FHIT: variants seen among roughly 807,000 people sequenced by gnomAD.
FHIT encodes fragile histidine triad diadenosine triphosphatase, also known as bis(5'-adenosyl)-triphosphatase.
In FHIT, 19 loss-of-function variants were observed where a neutral mutation model predicts 17.9. The ratio of observed to expected loss-of-function variants is 1.06; its 90% CI spans 0.74 to 1.56. FHIT has a LOEUF of 1.56. Among genes scored for constraint, FHIT ranks in the 40% most tolerant of loss-of-function variants. The probability of loss-of-function intolerance (pLI) is 0.00; values close to 1 mark genes in which losing one functional copy is unlikely to be tolerated. For synonymous variants in FHIT, 81 were observed against 69.7 expected (o/e 1.16, Z -0.81); for missense variants, 248 against 189.2 (o/e 1.31, Z -1.82).
intron 4 of FHIT, among the ~76,000 whole-genome samples, chr3:60,676,005 A>C (rs1270403777): frequency 6.6e-6 from 1 of 152,226 alleles, no homozygotes; most frequent in Admixed American, 6.5e-5. Flanking sequence ...AAACAATCCA[A>C]ACAAGCTGCA....
intron 1 of FHIT, among the ~76,000 whole-genome samples, chr3:61,226,271 C>A (rs12497257): frequency 6.6e-6 from 1 of 152,006 alleles, no homozygotes; most frequent in Non-Finnish European, 1.5e-5. Flanking sequence ...CTTTTGATAA[C>A]GGGAAACACT....
At chr3:59,949,054 A>G (rs975738667) in intron 7 of FHIT, among the ~76,000 whole-genome samples, 4 of 151,944 alleles carry the variant, frequency 2.6e-5, no homozygotes, top group Non-Finnish European at 4.4e-5. Flanking sequence ...CTCTCCCTCT[A>G]CTCAAGTAAT....
At chr3:60,483,214 G>A (rs2033690591) in intron 5 of FHIT, among the ~76,000 whole-genome samples, 1 of 152,088 alleles carries the variant, frequency 6.6e-6, no homozygotes, top group Non-Finnish European at 1.5e-5. Context: ...AAAAGCCCAA[G>A]GCCACATGGA....
At chr3:60,122,847 T>C (rs2107227427) in intron 5 of FHIT, among the ~76,000 whole-genome samples, 1 of 152,352 alleles carries the variant, frequency 6.6e-6, no homozygotes, top group East Asian at 1.9e-4. Context: ...ACTCAAGTGA[T>C]TTTAACTTTT....
At chr3:60,365,191 A>G (rs1335706080) in intron 5 of FHIT, among the ~76,000 whole-genome samples, 1 of 150,036 alleles carries the variant, frequency 6.7e-6, no homozygotes, top group Non-Finnish European at 1.5e-5. Flanking sequence ...TAATACTAAG[A>G]CCACTAAAAT....
At chr3:60,077,077 A>G (rs1185178680) in intron 5 of FHIT, among the ~76,000 whole-genome samples, 1 of 151,802 alleles carries the variant, frequency 6.6e-6, no homozygotes, top group Non-Finnish European at 1.5e-5. Context: ...TATTTTTTTC[A>G]TAGCAAACAA....
intron 5 of FHIT, among the ~76,000 whole-genome samples, chr3:60,214,377 T>A (rs907311857): frequency 2.6e-5 from 4 of 151,940 alleles, no homozygotes; most frequent in Admixed American, 6.6e-5. Flanking sequence ...GAAAGCTTTT[T>A]AAAAAAAACT....
chr3:60,614,840 TTGTTTTTTG>T (rs1559583728), intron 4 of FHIT, among the ~76,000 whole-genome samples: 2 of 67,186 alleles, frequency 3.0e-5, no homozygotes, highest in Admixed American at 1.8e-4. Flanking sequence ...TGTTTTTTTT[TTGTTTTTTG>T]AGATGGAGCC....
In FHIT at chr3:60,176,845, A is replaced by G. The variant is rs146581717; in HGVS notation, c.104-162693T>C. 3.9e-5 allele frequency among the ~76,000 whole-genome samples: 6 copies of G among 152,264 alleles called. No homozygotes were observed. The East Asian group carries it at 1.2e-3, about 29-fold the overall frequency. ...TAGCCTTTGGCTATCGAGCCATAAA[A>G]TCCGTTGCTTGGAAATATGAAACCC... On this transcript the variant is annotated intron_variant, in intron 5 of 9. Coordinates refer to ENST00000492590, the MANE Select transcript of FHIT (RefSeq NM_002012.4).
At chr3:61,214,091 C>A (rs1403300947) in intron 1 of FHIT, among the ~76,000 whole-genome samples, 15 of 151,944 alleles carry the variant, frequency 9.9e-5, no homozygotes, top group African/African-American at 1.9e-4. Context: ...ATCACAATTA[C>A]AAGAACTAGA....
At chr3:60,632,733 C>G (rs1009171162) in intron 4 of FHIT, among the ~76,000 whole-genome samples, 1 of 152,046 alleles carries the variant, frequency 6.6e-6, no homozygotes, top group Non-Finnish European at 1.5e-5. Flanking sequence ...ATCAACAAAC[C>G]TTAATGTAAA....
chr3:60,173,911 A>ATTTTTTT (rs1559698600), intron 5 of FHIT, among the ~76,000 whole-genome samples: 8 of 69,642 alleles, frequency 1.1e-4, no homozygotes, highest in Admixed American at 1.9e-4. Context: ...ATATATATAT[A>ATTTTTTT]TATATGTTTT....
intron 5 of FHIT, among the ~76,000 whole-genome samples, chr3:60,477,879 C>T (rs2107466003): frequency 6.6e-6 from 1 of 152,226 alleles, no homozygotes; most frequent in South Asian, 2.1e-4. Context: ...CACTTTTTCA[C>T]CCTGTTCATA....
At chr3:60,028,379 A>G (rs1423868172) in intron 5 of FHIT, among the ~76,000 whole-genome samples, 3 of 152,214 alleles carry the variant, frequency 2.0e-5, no homozygotes, top group Non-Finnish European at 4.4e-5. Context: ...CTCCACTACT[A>G]GCTCTTCAAT....
At chr3:60,015,561 G>C (rs180712075) in intron 5 of FHIT, among the ~76,000 whole-genome samples, 1 of 152,142 alleles carries the variant, frequency 6.6e-6, no homozygotes, top group African/African-American at 2.4e-5. Context: ...CCACTCCCAC[G>C]AAGCTGCTTT....
At chr3:60,207,372 C>A (rs972775389) in intron 5 of FHIT, among the ~76,000 whole-genome samples, 3 of 152,226 alleles carry the variant, frequency 2.0e-5, no homozygotes, top group Middle Eastern at 3.4e-3. Flanking sequence ...ACAACCTACA[C>A]CTTTCCTTCC....
chr3:60,154,456 C>T (rs948883165), intron 5 of FHIT, among the ~76,000 whole-genome samples: 1 of 152,246 alleles, frequency 6.6e-6, no homozygotes, highest in East Asian at 1.9e-4. Context: ...GCTAGAAACT[C>T]CAATCAGGGC....
chr3:60,015,217 C>G lies in FHIT; in HGVS notation c.104-1065G>C, dbSNP rs536516015. On this transcript the variant is annotated intron_variant, in intron 5 of 9. Transcript: ENST00000492590. ...TCTCACTAGAATATCAACCCCATTC[C>G]GCTATTGGTAGAACTCAGAGCCCAA... Among the ~76,000 whole-genome samples the G allele has an allele frequency of 2.8e-4, 43 of 152,206 alleles. 1 individual carries two copies. The highest frequency in any genetic ancestry group is 6.8e-3 in the Middle Eastern group (2 of 294).
intron 5 of FHIT, among the ~76,000 whole-genome samples, chr3:60,344,801 A>C (rs1385566017): frequency 6.6e-6 from 1 of 152,180 alleles, no homozygotes; most frequent in African/African-American, 2.4e-5. Context: ...ACTGGTATCA[A>C]ATCAGTCCAT....
Sources: gnomAD v4.1 joint callset for allele counts (sites outside exome capture counted in the v4.1 genomes callset) on GRCh38, gnomAD v4.1.1 for gene constraint, MANE v1.5 for transcripts, NCBI Gene and HGNC (gene_info 2026-07-23, HGNC 2026-07-21) for gene names.